Variants in NELFA observed in about 807,000 individuals in gnomAD.
NELFA encodes the protein negative elongation factor complex member A.
NELFA carries 35 observed loss-of-function variants against 51.8 expected under a neutral mutation model. The observed-to-expected ratio is 0.68, with a 90% CI of 0.52 to 0.90. The LOEUF (loss-of-function observed/expected upper bound fraction) is 0.90, where lower values mean the gene tolerates loss of function less well. NELFA is among the 40% of genes least tolerant of loss of function. The probability of loss-of-function intolerance (pLI) is 0.00; values close to 1 mark genes in which losing one functional copy is unlikely to be tolerated. For synonymous variants in NELFA, 417 were observed against 338.4 expected, an observed-to-expected ratio of 1.23 and a Z score of -2.55; for missense variants, 658 against 746.4, an observed-to-expected ratio of 0.88 and a Z score of 1.38.
chr4:1,996,176 T>C (rs1328051193), intron 1 of NELFA, among the ~76,000 whole-genome samples: 1 of 152,138 alleles, frequency 6.6e-6, no homozygotes, highest in Non-Finnish European at 1.5e-5. Context: ...ACGACTAAAA[T>C]AAACCATATT....
intron 1 of NELFA, among the ~76,000 whole-genome samples, 172 bp downstream of exon 1, chr4:2,008,578 G>A (rs1439126882): frequency 4.2e-5 from 6 of 142,910 alleles, no homozygotes; most frequent in Non-Finnish European, 7.7e-5. Flanking sequence ...GGACTGGAGG[G>A]AGGTATTCGG....
chr4:1,983,027 A>T lies in NELFA; in HGVS notation c.*292T>A. ...GTCTAACAGGCAGAGCTGTCACTAA[A>T]ATTAGGAAGTTGTAACTTTTTTGGT... On this transcript the variant is annotated 3_prime_UTR_variant, in exon 11 of 11. Coordinates refer to ENST00000382882, the MANE Select transcript of NELFA (RefSeq NM_005663.5). 3.3e-6 allele frequency: 1 copy of T among 301,412 alleles called. No homozygotes were observed. Among genetic ancestry groups the T allele is most frequent in the Non-Finnish European group, 6.1e-6 (1 of 164,880 alleles). The allele number at this position is 301,412 out of a possible 1,614,324, so 18.7% of individuals were successfully genotyped here.
chr4:2,001,452 G>A (rs997977892), intron 1 of NELFA, among the ~76,000 whole-genome samples: 1 of 152,136 alleles, frequency 6.6e-6, no homozygotes, highest in African/African-American at 2.4e-5. Context: ...AGCAAAGTCC[G>A]AGAATACAAA....
chr4:1,990,504 G>C (rs1390027078), intron 2 of NELFA: 1 of 456,576 alleles, frequency 2.2e-6, no homozygotes, highest in South Asian at 1.5e-5. Context: ...CGAACGGGTG[G>C]GGTGGGGTGG....
At chr4:2,008,626 T>A (rs1276605920) in intron 1 of NELFA, 124 bp downstream of exon 1, 1 of 919,724 alleles carries the variant, frequency 1.1e-6, no homozygotes, top group Admixed American at 3.3e-5. Flanking sequence ...GCCGGGGGGG[T>A]TAACAGTCTG....
chr4:2,004,640 G>A (rs898546077), intron 1 of NELFA, among the ~76,000 whole-genome samples: 2 of 149,688 alleles, frequency 1.3e-5, no homozygotes, highest in Middle Eastern at 3.4e-3. Context: ...GCCATGTGCC[G>A]CCACCCCTGG....
chr4:2,000,576 A>G (rs1351586339), intron 1 of NELFA, among the ~76,000 whole-genome samples: 1 of 152,214 alleles, frequency 6.6e-6, no homozygotes, highest in African/African-American at 2.4e-5. Flanking sequence ...TCCTGGGTGC[A>G]TACACCCTCC....
At chr4:2,006,922 GA>G (rs1728725718) in intron 1 of NELFA, 2 of 153,096 alleles carry the variant, frequency 1.3e-5, no homozygotes, top group African/African-American at 4.8e-5. Flanking sequence ...GGAAAAAAGA[GA>G]ATTTAAAAGC....
chr4:1,990,174 A>G, intron 2 of NELFA: 1 of 439,384 alleles, frequency 2.3e-6, no homozygotes, highest in East Asian at 4.8e-5. Flanking sequence ...GGAGGGCTCC[A>G]GACACTTGTA....
intron 1 of NELFA, among the ~76,000 whole-genome samples, chr4:2,001,534 T>A (rs1244803942): frequency 1.3e-5 from 2 of 152,090 alleles, no homozygotes; most frequent in African/African-American, 4.8e-5. Flanking sequence ...CACTAGAGAA[T>A]AAAATACCTA....
intron 1 of NELFA, chr4:2,007,191 C>A (rs778039206): frequency 5.2e-6 from 2 of 383,270 alleles, no homozygotes; most frequent in South Asian, 1.8e-5. Flanking sequence ...TGGTTGACAG[C>A]GCCAGACCCT....
chr4:1,995,921 C>G (rs1728410887), intron 1 of NELFA, among the ~76,000 whole-genome samples: 1 of 147,152 alleles, frequency 6.8e-6, no homozygotes, highest in South Asian at 2.1e-4. Context: ...GCCTGTAGTT[C>G]TAGATACTTG....
At chr4:1,993,071 G>A (rs1477957725) in intron 1 of NELFA, among the ~76,000 whole-genome samples, 1 of 152,246 alleles carries the variant, frequency 6.6e-6, no homozygotes, top group Non-Finnish European at 1.5e-5. Context: ...CGCACAGCCC[G>A]GCTGTTTCCA....
chr4:1,991,814 C>T, intron 1 of NELFA, 99 bp from the exon 2 acceptor site: 9 of 1,301,486 alleles, frequency 6.9e-6, no homozygotes, highest in Non-Finnish European at 9.4e-6. Flanking sequence ...TGGCCGGGCT[C>T]TCTGGCAGTT....
Position 1,986,640 on chromosome 4 carries a change from C to G in NELFA, c.635-238G>C. On this transcript the variant is annotated intron_variant, in intron 4 of 10. Transcript: ENST00000382882. ...CAAAGACAGCGGCACCCCAGCCCAG[C>G]CACAGGATCTCACCAGGTGGAGTCT... The G allele has an allele frequency of 5.7e-6, 3 of 524,962 alleles. No individual in the cohort carries two copies. The South Asian group carries it at 6.2e-5, about 11-fold the overall frequency. 32.5% of individuals were successfully genotyped at this position (524,962 alleles called of 1,614,324 possible). A position where few individuals can be genotyped will look rare whatever the true frequency, so the allele number is the denominator to read the frequency against.
intron 1 of NELFA, among the ~76,000 whole-genome samples, chr4:1,999,236 T>C (rs1728508606): frequency 6.7e-6 from 1 of 150,122 alleles, no homozygotes; most frequent in South Asian, 2.1e-4. Flanking sequence ...AGAAACTGCA[T>C]CTAGTGTGCA....
chr4:2,008,176 C>A, intron 1 of NELFA: 2 of 383,894 alleles, frequency 5.2e-6, no homozygotes, highest in Non-Finnish European at 1.0e-5. Flanking sequence ...GCTGCGTCCC[C>A]GACGGGAAAC....
chr4:1,984,004 G>A lies in NELFA; in HGVS notation c.1146C>T (p.Ser382=). The A allele has an allele frequency of 1.2e-6, 2 of 1,609,046 alleles. No homozygotes were observed. Among genetic ancestry groups the A allele is most frequent in the Non-Finnish European group, 1.7e-6 (2 of 1,179,604 alleles). The change falls in exon 9 of 11, where the codon AGC becomes AGT. Residue 382 remains serine, a synonymous_variant. Coordinates refer to ENST00000382882, the MANE Select transcript of NELFA (RefSeq NM_005663.5). ...QRAPMYNSGL[S]PATPTPAAPT... is the part of the protein sequence containing the mutation. ...GCGCCGCAGGCGTGGGTGTGGCAGG[G>A]CTCAGGCCGCTGTTGTACATGGGCG...
intron 1 of NELFA, chr4:2,008,165 G>A (rs1728761162): frequency 7.6e-6 from 3 of 394,926 alleles, no homozygotes; most frequent in South Asian, 1.8e-5. Context: ...AGGTCACCAG[G>A]GCTGCGTCCC....
Sources: allele counts gnomAD v4.1 joint callset (sites outside exome capture counted in the v4.1 genomes callset), GRCh38; gene constraint gnomAD v4.1.1; transcripts MANE v1.5; gene names NCBI Gene and HGNC (gene_info 2026-07-23, HGNC 2026-07-21).